The following RBFOX3 variants were observed in gnomAD, a reference collection of about 807,000 sequenced individuals.
RBFOX3 encodes RNA binding protein fox-1 homolog 3.
A neutral mutation model predicts 48.7 loss-of-function variants in RBFOX3; 17 were observed. The observed-to-expected ratio is 0.35, with a 90% CI of 0.24 to 0.52. RBFOX3 has a LOEUF of 0.52. Ranked by LOEUF, RBFOX3 falls within the 20% of genes least tolerant of loss-of-function variation. The pLI, the probability that RBFOX3 is intolerant of heterozygous loss-of-function variation, is 0.94. For synonymous variants in RBFOX3, 212 were observed against 209.5 expected (o/e 1.01, Z -0.10); for missense variants, 382 against 497.5 (o/e 0.77, Z 2.21).
At chr17:79,625,506 T>G in the RBFOX3 span, among the ~76,000 whole-genome samples, 4 of 152,272 alleles carry the variant, frequency 2.6e-5, no homozygotes, top group African/African-American at 9.6e-5. Flanking sequence ...TAAGTGAGTT[T>G]GGGGCCAGGC....
rs920392536 is a variant in RBFOX3 at position 79,106,053 on chromosome 17, C to T, written c.360+598G>A. The stretch of plus-strand genomic sequence containing the variant: ...CGGGGCTGAAGCCTACAGTGCAAAA[C>T]CCGGAACAGGCCCTCGGAGTCCAGC... On this transcript the variant is annotated intron_variant, in intron 6 of 14. Transcript: ENST00000693108. 5.9e-5 allele frequency among the ~76,000 whole-genome samples: 9 copies of T among 152,246 alleles called. 1 individual carries two copies. The highest frequency in any genetic ancestry group is 5.9e-4 in the Admixed American group (9 of 15,292).
chr17:79,354,778 G>C (rs1264756821), intron 2 of RBFOX3, among the ~76,000 whole-genome samples: 1 of 152,178 alleles, frequency 6.6e-6, no homozygotes, highest in Admixed American at 6.5e-5. Context: ...CCTCAGAGAG[G>C]GGTTAATTTC....
the RBFOX3 span, among the ~76,000 whole-genome samples, chr17:79,641,985 C>A: frequency 6.6e-6 from 1 of 152,140 alleles, no homozygotes; most frequent in African/African-American, 2.4e-5. Flanking sequence ...GCTTCCTGTA[C>A]AACCTGCAGA....
At chr17:79,097,796 C>T (rs1431984517) in intron 9 of RBFOX3, 51 bp from the exon 10 acceptor site, 8 of 1,536,558 alleles carry the variant, frequency 5.2e-6, no homozygotes, top group Non-Finnish European at 7.1e-6. Context: ...ACCCTTTTCC[C>T]ACCAAAACGT....
intron 3 of RBFOX3, among the ~76,000 whole-genome samples, chr17:79,272,697 A>T (rs2067963035): frequency 6.6e-6 from 1 of 152,188 alleles, no homozygotes; most frequent in South Asian, 2.1e-4. Flanking sequence ...AGTTTTGCTC[A>T]GTTCCAGCTC....
At chr17:79,366,825 C>T (rs2057826150) in intron 2 of RBFOX3, among the ~76,000 whole-genome samples, 3 of 152,220 alleles carry the variant, frequency 2.0e-5, no homozygotes, top group South Asian at 4.1e-4. Flanking sequence ...CCTGGAGCCC[C>T]TTCCGGGGAG....
chr17:79,506,634 G>A (rs1262264417), intron 1 of RBFOX3, among the ~76,000 whole-genome samples: 11 of 152,312 alleles, frequency 7.2e-5, no homozygotes, highest in East Asian at 3.9e-4. Context: ...GCCAATTGCC[G>A]CGGCCAGGCC....
intron 1 of RBFOX3, among the ~76,000 whole-genome samples, chr17:79,491,158 GGAGGGGAGGGGAGGA>G: frequency 7.1e-5 from 2 of 28,246 alleles, no homozygotes; most frequent in Non-Finnish European, 1.3e-4. Context: ...GGAGGGGAGG[GGAGGGGAGGGGAGGA>G]GAGGGGAGGG....
chr17:79,168,754 G>C (rs1481263016), intron 4 of RBFOX3, among the ~76,000 whole-genome samples: 4 of 152,228 alleles, frequency 2.6e-5, no homozygotes, highest in African/African-American at 9.6e-5. Flanking sequence ...GGTCTCCTCT[G>C]TCAGCCAGTG....
chr17:79,289,171 A>G (rs1224964692), intron 3 of RBFOX3, among the ~76,000 whole-genome samples: 1 of 152,186 alleles, frequency 6.6e-6, no homozygotes, highest in Non-Finnish European at 1.5e-5. Flanking sequence ...AGGCCTCTCC[A>G]ATACGTTCCG....
chr17:79,402,495 C>T lies in RBFOX3; in HGVS notation c.-175+79959G>A, dbSNP rs139557120. Among the ~76,000 whole-genome samples, 4 of 152,288 alleles carry T rather than the reference C, an allele frequency of 2.6e-5. No homozygotes were observed. In the East Asian group the frequency reaches 5.8e-4, roughly 22 times the overall value. On this transcript the variant is annotated intron_variant, in intron 2 of 14. Transcript: ENST00000693108. ...GTTTGCTTGTGCTAACGGGGATTAACGATCCCCTGAGAAGCTGTAGGGCTC... is the reference window on the plus strand; with the variant it reads ...GTTTGCTTGTGCTAACGGGGATTAATGATCCCCTGAGAAGCTGTAGGGCTC...
At chr17:79,281,693 C>T (rs180867182) in intron 3 of RBFOX3, among the ~76,000 whole-genome samples, 126 of 152,370 alleles carry the variant, frequency 8.3e-4, no homozygotes, top group Non-Finnish European at 3.7e-4. Context: ...GTGGACCTGG[C>T]TGGAATTCAC....
At chr17:79,626,252 G>T in the RBFOX3 span, among the ~76,000 whole-genome samples, 3 of 152,054 alleles carry the variant, frequency 2.0e-5, no homozygotes, top group African/African-American at 4.8e-5. Context: ...TCTTCTAGCA[G>T]ACCCTCCAAC....
intron 1 of RBFOX3, among the ~76,000 whole-genome samples, chr17:79,558,110 C>T (rs1410755785): frequency 2.0e-5 from 3 of 152,178 alleles, no homozygotes; most frequent in Non-Finnish European, 4.4e-5. Flanking sequence ...CGAGGTCCAT[C>T]GCAGACCAGC....
Position 79,240,504 on chromosome 17 carries a change from C to G in RBFOX3, c.-73-4699G>C, listed in dbSNP as rs555284468. ...AAGTCAATTTCTTAGCAGTGGCCAT[C>G]ATGTCTCTTATTTATTGAGCATCTA... On this transcript the variant is annotated intron_variant, in intron 3 of 14. Transcript: ENST00000693108. Among the ~76,000 whole-genome samples the G allele has an allele frequency of 2.4e-4, 37 of 152,314 alleles. No homozygotes were observed. In the South Asian group the frequency reaches 7.5e-3, roughly 31 times the overall value.
intron 3 of RBFOX3, among the ~76,000 whole-genome samples, chr17:79,269,752 C>T (rs1389224259): frequency 6.6e-6 from 1 of 152,154 alleles, no homozygotes; most frequent in Non-Finnish European, 1.5e-5. Context: ...CCAGTGTCAA[C>T]ACCCTGTCTT....
chr17:79,146,913 C>A (rs2043157189), intron 4 of RBFOX3, among the ~76,000 whole-genome samples: 1 of 152,230 alleles, frequency 6.6e-6, no homozygotes, highest in South Asian at 2.1e-4. Context: ...TCTGGCAGCT[C>A]CTTGGCTGCC....
At chr17:79,380,670 A>C (rs549657464) in intron 2 of RBFOX3, among the ~76,000 whole-genome samples, 3 of 152,246 alleles carry the variant, frequency 2.0e-5, no homozygotes, top group Non-Finnish European at 4.4e-5. Context: ...CCAGCTTTGC[A>C]CTGAGAACCA....
At chr17:79,552,213 CAA>C (rs2091221225) in intron 1 of RBFOX3, among the ~76,000 whole-genome samples, 1 of 152,136 alleles carries the variant, frequency 6.6e-6, no homozygotes, top group Non-Finnish European at 1.5e-5. Flanking sequence ...TTCAAATCTT[CAA>C]AATTTGATAA....
Sources: allele counts gnomAD v4.1 joint callset (sites outside exome capture counted in the v4.1 genomes callset), GRCh38; gene constraint gnomAD v4.1.1; transcripts MANE v1.5; gene names NCBI Gene and HGNC (gene_info 2026-07-23, HGNC 2026-07-21).